The following TENM3 variants were observed in gnomAD, a reference collection of about 807,000 sequenced individuals.
TENM3 encodes the protein teneurin transmembrane protein 3.
TENM3 carries 63 observed loss-of-function variants against 255.1 expected under a neutral mutation model. The observed-to-expected ratio is 0.25, with a 90% CI of 0.20 to 0.30. The LOEUF (loss-of-function observed/expected upper bound fraction) is 0.30, where lower values mean the gene tolerates loss of function less well. Among genes scored for constraint, TENM3 ranks in the 10% least tolerant of loss-of-function variants. TENM3 has a pLI of 1.00. For synonymous variants in TENM3, 1,306 were observed against 1,322.3 expected (o/e 0.99, Z 0.27); for missense variants, 2,929 against 3,461.1 (o/e 0.85, Z 3.86).
the TENM3 span, among the ~76,000 whole-genome samples, chr4:182,138,345 T>C: frequency 6.6e-6 from 1 of 152,240 alleles, no homozygotes; most frequent in Non-Finnish European, 1.5e-5. Flanking sequence ...TCAGGACATA[T>C]ACATTTGAGT....
intron 3 of TENM3, among the ~76,000 whole-genome samples, chr4:182,473,445 G>A (rs1178030394): frequency 6.6e-6 from 1 of 152,160 alleles, no homozygotes; most frequent in Non-Finnish European, 1.5e-5. Context: ...AGGCCAAGGC[G>A]GGTGGATCAC....
chr4:182,724,817 T>G (rs1043347611), intron 13 of TENM3, among the ~76,000 whole-genome samples: 9 of 152,212 alleles, frequency 5.9e-5, no homozygotes, highest in Middle Eastern at 3.2e-3. Flanking sequence ...ACTTTTCCTA[T>G]TGAATCATTT....
the TENM3 span, among the ~76,000 whole-genome samples, chr4:181,552,899 G>T: frequency 6.6e-6 from 1 of 152,190 alleles, no homozygotes; most frequent in Non-Finnish European, 1.5e-5. Flanking sequence ...GATTTAGGGA[G>T]TTCCATGTGT....
the TENM3 span, among the ~76,000 whole-genome samples, chr4:181,766,709 G>A: frequency 6.6e-6 from 1 of 151,838 alleles, no homozygotes; most frequent in Admixed American, 6.6e-5. Flanking sequence ...CAACAGAAGG[G>A]GGTGTGCTTG....
At chr4:181,771,245 G>A in the TENM3 span, among the ~76,000 whole-genome samples, 131,422 of 152,244 alleles carry the variant, frequency 0.86, 57,226 homozygotes, top group Non-Finnish European at 0.91. Context: ...AAAGACATGA[G>A]CAAGCCTAGA....
the TENM3 span, among the ~76,000 whole-genome samples, chr4:181,692,363 G>C: frequency 6.6e-6 from 1 of 152,066 alleles, no homozygotes; most frequent in African/African-American, 2.4e-5. Context: ...GATGTCAGAG[G>C]CTCACAATCA....
At chr4:182,738,565 A>G in intron 18 of TENM3, 21 bp downstream of exon 18, 1 of 1,596,516 alleles carries the variant, frequency 6.3e-7, no homozygotes, top group Non-Finnish European at 8.5e-7. Flanking sequence ...GTTCATAGAT[A>G]ACTGATGTTG....
the TENM3 span, among the ~76,000 whole-genome samples, chr4:181,499,222 C>T: frequency 6.6e-6 from 1 of 152,132 alleles, no homozygotes; most frequent in Non-Finnish European, 1.5e-5. Context: ...ATGCTTCCCA[C>T]GTGACTGACA....
intron 1 of TENM3, among the ~76,000 whole-genome samples, chr4:182,237,765 T>A (rs1226625555): frequency 4.6e-5 from 7 of 152,230 alleles, no homozygotes; most frequent in African/African-American, 1.7e-4. Context: ...CTCATGAATA[T>A]TCAAACTTAT....
chr4:182,621,005 C>A (rs1404445354), intron 4 of TENM3, among the ~76,000 whole-genome samples: 1 of 152,118 alleles, frequency 6.6e-6, no homozygotes, highest in African/African-American at 2.4e-5. Context: ...CAAAGTGAAA[C>A]CTCGTCTCTA....
chr4:182,538,578 T>G (rs1740561797), intron 3 of TENM3, among the ~76,000 whole-genome samples: 1 of 152,184 alleles, frequency 6.6e-6, no homozygotes, highest in Non-Finnish European at 1.5e-5. Context: ...TTTAAGGACT[T>G]GGATCTTTGG....
intron 3 of TENM3, among the ~76,000 whole-genome samples, chr4:182,471,701 A>G (rs1326074730): frequency 6.6e-6 from 1 of 151,518 alleles, no homozygotes; most frequent in Non-Finnish European, 1.5e-5. Flanking sequence ...TAAAGTAATT[A>G]TATTATAAAA....
intron 7 of TENM3, among the ~76,000 whole-genome samples, chr4:182,678,756 AT>A (rs1415048646): frequency 7.0e-6 from 1 of 143,194 alleles, no homozygotes; most frequent in African/African-American, 2.5e-5. Flanking sequence ...TGAATGTTAA[AT>A]CAGAGAAGAC....
intron 2 of TENM3, among the ~76,000 whole-genome samples, chr4:182,331,269 G>T (rs1345372756): frequency 6.6e-6 from 1 of 152,002 alleles, no homozygotes; most frequent in Non-Finnish European, 1.5e-5. Flanking sequence ...ATTTTGGCCG[G>T]GTGCGGTGGC....
At chr4:182,578,557 A>G (rs1220502740) in intron 3 of TENM3, among the ~76,000 whole-genome samples, 4 of 152,118 alleles carry the variant, frequency 2.6e-5, no homozygotes, top group Admixed American at 1.3e-4. Flanking sequence ...CTCAGCTCAC[A>G]TTCTTAAGAA....
At chr4:181,550,058 A>C in the TENM3 span, among the ~76,000 whole-genome samples, 2 of 152,204 alleles carry the variant, frequency 1.3e-5, no homozygotes, top group African/African-American at 4.8e-5. Context: ...AGTGTTAGAT[A>C]ACACTTCCAA....
At chr4:181,939,632 A>G in the TENM3 span, among the ~76,000 whole-genome samples, 2 of 152,344 alleles carry the variant, frequency 1.3e-5, no homozygotes, top group African/African-American at 2.4e-5. Flanking sequence ...TCTTAGTTTT[A>G]AAAGCTCCAA....
the TENM3 span, among the ~76,000 whole-genome samples, chr4:181,757,319 G>T: frequency 6.6e-6 from 1 of 152,042 alleles, no homozygotes; most frequent in Non-Finnish European, 1.5e-5. Flanking sequence ...CTCCCACTGA[G>T]TTTCCATAGG....
chr4:182,136,801 C>T, the TENM3 span, among the ~76,000 whole-genome samples: 1 of 152,158 alleles, frequency 6.6e-6, no homozygotes, highest in African/African-American at 2.4e-5. Context: ...ATGAAAAAGG[C>T]ATTCTGAAAG....
Sources: allele counts gnomAD v4.1 joint callset (sites outside exome capture counted in the v4.1 genomes callset), GRCh38; gene constraint gnomAD v4.1.1; transcripts MANE v1.5; gene names NCBI Gene and HGNC (gene_info 2026-07-23, HGNC 2026-07-21).